Variants in FKBP1B observed in about 807,000 individuals in gnomAD.
The protein encoded by FKBP1B is peptidyl-prolyl cis-trans isomerase FKBP1B.
In FKBP1B, 4 loss-of-function variants were observed where a neutral mutation model predicts 13.5. The observed-to-expected ratio is 0.30, with a 90% CI of 0.15 to 0.68. The LOEUF (loss-of-function observed/expected upper bound fraction) is 0.68, where lower values mean the gene tolerates loss of function less well. FKBP1B is among the 30% of genes least tolerant of loss of function. The pLI is 0.76. For missense variants in FKBP1B, 93 were observed against 136.2 expected (o/e 0.68, Z 1.58); for synonymous variants, 54 against 53.6 (o/e 1.01, Z -0.03).
the FKBP1B span, chr2:24,038,629 T>C: frequency 6.2e-7 from 1 of 1,614,202 alleles, no homozygotes; most frequent in Non-Finnish European, 8.5e-7. Context: ...TTGATTGAAA[T>C]GTATGTGAGT....
chr2:24,047,064 C>T (rs1663648827), upstream of FKBP1B, among the ~76,000 whole-genome samples: 1 of 152,120 alleles, frequency 6.6e-6, no homozygotes. Context: ...CTTTGGATGA[C>T]TTCCTTGGGA....
chr2:24,054,232 G>A (rs1311778223), intron 2 of FKBP1B: 4 of 617,262 alleles, frequency 6.5e-6, no homozygotes, highest in South Asian at 3.8e-5. Flanking sequence ...TCTGTTGCAG[G>A]TATGGTGGAG....
the FKBP1B span, chr2:24,039,320 A>G: frequency 3.7e-6 from 6 of 1,614,234 alleles, no homozygotes; most frequent in Non-Finnish European, 4.2e-6. Context: ...CCACAGACAC[A>G]TTCAAACTGT....
At chr2:24,044,516 C>T in the FKBP1B span, among the ~76,000 whole-genome samples, 3 of 152,172 alleles carry the variant, frequency 2.0e-5, no homozygotes, top group African/African-American at 7.2e-5. Flanking sequence ...ATCCTCCTGC[C>T]TTGGCCTCCC....
At chr2:24,033,883 T>C in the FKBP1B span, among the ~76,000 whole-genome samples, 10,758 of 152,136 alleles carry the variant, frequency 0.071, 431 homozygotes, top group African/African-American at 0.092. Flanking sequence ...CAAGACCCCA[T>C]CTCATAAAAA....
the FKBP1B span, among the ~76,000 whole-genome samples, chr2:24,041,805 C>T: frequency 7.0e-6 from 1 of 142,328 alleles, no homozygotes; most frequent in Non-Finnish European, 1.5e-5. Flanking sequence ...TTGCAGTGAG[C>T]TCAGATGGCG....
chr2:24,042,237 A>G, the FKBP1B span, among the ~76,000 whole-genome samples: 1 of 152,064 alleles, frequency 6.6e-6, no homozygotes, highest in Non-Finnish European at 1.5e-5. Context: ...CCCCATCTCT[A>G]CTAAAAATAC....
chr2:24,047,017 C>T (rs1444825659), upstream of FKBP1B, among the ~76,000 whole-genome samples: 1 of 152,188 alleles, frequency 6.6e-6, no homozygotes, highest in Admixed American at 6.5e-5. Context: ...ATAAATAAAG[C>T]TCGGACCGAG....
intron 2 of FKBP1B, 58 bp downstream of exon 2, chr2:24,054,007 C>A: frequency 6.6e-7 from 1 of 1,516,390 alleles, no homozygotes; most frequent in Non-Finnish European, 9.2e-7. Context: ...CAGGGCTGTC[C>A]TCTGAGCTTC....
intron 2 of FKBP1B, among the ~76,000 whole-genome samples, chr2:24,059,894 C>CAAAAAAAA (rs10679224): frequency 4.0e-5 from 2 of 49,808 alleles, no homozygotes; most frequent in Admixed American, 2.7e-4. Flanking sequence ...GACTCCGACT[C>CAAAAAAAA]AAAAAAAAAA....
upstream of FKBP1B, among the ~76,000 whole-genome samples, chr2:24,048,551 C>G (rs962919652): frequency 3.3e-5 from 5 of 151,110 alleles, no homozygotes; most frequent in African/African-American, 1.2e-4. Flanking sequence ...CTTCTAGGCT[C>G]AAGCAATCCT....
chr2:24,059,236 C>CT (rs1664269900), intron 2 of FKBP1B, among the ~76,000 whole-genome samples: 1 of 152,200 alleles, frequency 6.6e-6, no homozygotes, highest in South Asian at 2.1e-4. Flanking sequence ...AAGGTCTGAT[C>CT]TTTGAGTCAG....
chr2:24,063,247 T>G lies in FKBP1B; in HGVS notation c.*55T>G. The G allele has an allele frequency of 6.7e-7, 1 of 1,494,004 alleles. No individual in the cohort carries two copies. The allele number at this position is 1,494,004 out of a possible 1,614,324, so 92.5% of individuals were successfully genotyped here. A position where few individuals can be genotyped will look rare whatever the true frequency, so the allele number is the denominator to read the frequency against. ...ATGGCTGCTGCTCACCCTCCTAGCC[T>G]GCTCTGCCACTGGGACGGCTCCTGC... On this transcript the variant is annotated 3_prime_UTR_variant, in exon 4 of 4. Coordinates refer to ENST00000380986, the MANE Select transcript of FKBP1B (RefSeq NM_004116.5).
At chr2:24,034,208 G>C in the FKBP1B span, among the ~76,000 whole-genome samples, 1 of 152,056 alleles carries the variant, frequency 6.6e-6, no homozygotes, top group Admixed American at 6.6e-5. Flanking sequence ...ATCACTTGAG[G>C]TCAGGAGTTC....
At chr2:24,039,147 G>A in the FKBP1B span, 1 of 1,614,218 alleles carries the variant, frequency 6.2e-7, no homozygotes, top group South Asian at 1.1e-5. Context: ...CACAGCCCTG[G>A]GGAAGGATAG....
chr2:24,045,215 G>A (rs879678892), upstream of FKBP1B, among the ~76,000 whole-genome samples: 4 of 152,226 alleles, frequency 2.6e-5, no homozygotes, highest in African/African-American at 9.6e-5. Flanking sequence ...TAGGATATAA[G>A]TAGTGAGGAG....
upstream of FKBP1B, among the ~76,000 whole-genome samples, chr2:24,045,375 G>A (rs1356076228): frequency 6.6e-6 from 1 of 152,080 alleles, no homozygotes; most frequent in Non-Finnish European, 1.5e-5. Flanking sequence ...GCTGAGGCAG[G>A]TGGATCATCT....
At chr2:24,045,272 G>C (rs10153678), upstream of FKBP1B, among the ~76,000 whole-genome samples, 18,124 of 152,204 alleles carry the variant, frequency 0.12, 1,262 homozygotes, top group South Asian at 0.18. Flanking sequence ...TTGAGAAACT[G>C]CTGAACCATT....
In FKBP1B at chr2:24,050,290, C is replaced by T. The variant is rs935654170; in HGVS notation, c.37+404C>T. 4.6e-5 allele frequency among the ~76,000 whole-genome samples: 7 copies of T among 152,338 alleles called. No individual in the cohort carries two copies. Among genetic ancestry groups the T allele is most frequent in the African/African-American group, 1.7e-4 (7 of 41,576 alleles). On this transcript the variant is annotated intron_variant, in intron 1 of 3. Coordinates refer to ENST00000380986, the MANE Select transcript of FKBP1B (RefSeq NM_004116.5). This position sits in a 1 kb window ranked among gnomAD's most constrained non-coding sequence, Gnocchi z 5.8. ...AGGACCTGCTCTCGGATACCCGCTG[C>T]TCGGGGACCTCCTCCTAGCGCGTCC...
Sources: allele counts gnomAD v4.1 joint callset (sites outside exome capture counted in the v4.1 genomes callset), GRCh38; gene constraint gnomAD v4.1.1; non-coding constraint Gnocchi (gnomAD v3.1); transcripts MANE v1.5; gene names NCBI Gene and HGNC (gene_info 2026-07-23, HGNC 2026-07-21).